The following KAZN variants were observed in gnomAD, a reference collection of about 807,000 sequenced individuals.
The protein encoded by KAZN is kazrin.
A neutral mutation model predicts 87.4 loss-of-function variants in KAZN; 40 were observed. The ratio of observed to expected loss-of-function variants is 0.46; its 90% CI spans 0.36 to 0.60. KAZN has a LOEUF of 0.60. KAZN is among the 20% of genes least tolerant of loss of function. The probability of loss-of-function intolerance (pLI) is 0.00; values close to 1 mark genes in which losing one functional copy is unlikely to be tolerated. For synonymous variants in KAZN, 466 were observed against 458.3 expected (o/e 1.02, Z -0.22); for missense variants, 898 against 1,073.9 (o/e 0.84, Z 2.29).
At chr1:14,594,754 G>A (rs149825197), upstream of KAZN, among the ~76,000 whole-genome samples, 30 of 152,304 alleles carry the variant, frequency 2.0e-4, no homozygotes, top group Admixed American at 3.9e-4. Flanking sequence ...CAGTTTGCAG[G>A]TGTGTCCCAG....
At chr1:14,154,165 C>T (rs559393744) in intron 1 of KAZN, among the ~76,000 whole-genome samples, 10 of 152,232 alleles carry the variant, frequency 6.6e-5, no homozygotes, top group East Asian at 3.9e-4. Context: ...TTTTGATCCT[C>T]TTCAATTTCT....
intron 1 of KAZN, among the ~76,000 whole-genome samples, chr1:13,965,505 A>G (rs1274395017): frequency 3.3e-5 from 5 of 152,128 alleles, no homozygotes; most frequent in African/African-American, 4.8e-5. Context: ...AGAAGGAATC[A>G]CTTCCTGATA....
intron 2 of KAZN, among the ~76,000 whole-genome samples, chr1:14,487,171 G>T (rs991854861): frequency 2.0e-5 from 3 of 152,202 alleles, no homozygotes; most frequent in Non-Finnish European, 2.9e-5. Flanking sequence ...ACACCAGCAT[G>T]AGTGCTCAGG....
At chr1:14,950,511 C>G (rs2101701847) in intron 1 of KAZN, among the ~76,000 whole-genome samples, 1 of 152,306 alleles carries the variant, frequency 6.6e-6, no homozygotes, top group East Asian at 1.9e-4. Flanking sequence ...GGATGGCCAA[C>G]AGAAACATGG....
intron 1 of KAZN, among the ~76,000 whole-genome samples, chr1:14,144,970 C>T (rs1645315184): frequency 6.6e-6 from 1 of 152,204 alleles, no homozygotes; most frequent in African/African-American, 2.4e-5. Context: ...GATCAAATTT[C>T]CACATGAGGA....
chr1:14,853,052 C>A (rs1649646904), intron 1 of KAZN, among the ~76,000 whole-genome samples: 1 of 152,210 alleles, frequency 6.6e-6, no homozygotes, highest in East Asian at 1.9e-4. Context: ...ATGGGTGGAG[C>A]TGGGATGTGA....
intron 2 of KAZN, among the ~76,000 whole-genome samples, chr1:14,406,245 T>A (rs1209483843): frequency 6.6e-6 from 1 of 152,106 alleles, no homozygotes; most frequent in South Asian, 2.1e-4. Flanking sequence ...ACTCACAAAT[T>A]TGTTTTTAAT....
chr1:14,797,175 C>T (rs552783300), intron 1 of KAZN, among the ~76,000 whole-genome samples: 1 of 152,284 alleles, frequency 6.6e-6, no homozygotes, highest in East Asian at 1.9e-4. Flanking sequence ...ATTCTCCTGC[C>T]TCAGCCTCCC....
At chr1:14,277,621 C>A (rs182650404) in intron 2 of KAZN, among the ~76,000 whole-genome samples, 14 of 151,090 alleles carry the variant, frequency 9.3e-5, no homozygotes, top group African/African-American at 3.4e-4. Flanking sequence ...CAAGATCGTG[C>A]CATTGCACTC....
chr1:14,495,325 A>C (rs765263805), intron 2 of KAZN, among the ~76,000 whole-genome samples: 1 of 152,132 alleles, frequency 6.6e-6, no homozygotes, highest in Non-Finnish European at 1.5e-5. Flanking sequence ...GCTCAATCAG[A>C]CCTTCCTTTC....
intron 10 of KAZN, among the ~76,000 whole-genome samples, chr1:15,097,406 TC>T (rs1351873724): frequency 3.9e-5 from 6 of 152,274 alleles, no homozygotes; most frequent in Admixed American, 3.3e-4. Flanking sequence ...GGTCACCTTA[TC>T]TACAAAATAC....
chr1:14,443,257 A>G (rs1021855552), intron 2 of KAZN, among the ~76,000 whole-genome samples: 4 of 152,232 alleles, frequency 2.6e-5, no homozygotes, highest in African/African-American at 9.6e-5. Flanking sequence ...GTGCTCTGCA[A>G]GAACAGCTCC....
chr1:14,111,992 C>T (rs1644509747), intron 1 of KAZN, among the ~76,000 whole-genome samples: 1 of 152,096 alleles, frequency 6.6e-6, no homozygotes, highest in Admixed American at 6.6e-5. Flanking sequence ...CCCACCTCGG[C>T]CTCCCAAAAT....
chr1:14,796,152 T>C (rs970732703), intron 1 of KAZN, among the ~76,000 whole-genome samples: 4 of 152,186 alleles, frequency 2.6e-5, no homozygotes, highest in African/African-American at 9.7e-5. Context: ...GCCTCCGTTC[T>C]GGTCCTGGTT....
In KAZN at chr1:15,104,099, C is replaced by T. The variant is rs751457511; in HGVS notation, c.1958C>T (p.Ala653Val). ...LVLEPTFNAE[A>V]MATALGIPSG... Reference sequence around the variant, plus strand: ...CTGGAGCCCACATTCAATGCCGAGGCCATGGCCACTGCCCTGGGCATCCCC... The same window carrying T: ...CTGGAGCCCACATTCAATGCCGAGGTCATGGCCACTGCCCTGGGCATCCCC... The change falls in exon 13 of 15, where the codon GCC becomes GTC. Residue 653 changes from alanine (A) to valine (V), a missense_variant. By Grantham distance (64) the Ala-to-Val change is moderately conservative (BLOSUM62 0). Transcript: ENST00000376030. 6.2e-7 allele frequency: 1 copy of T among 1,612,782 alleles called. No individual in the cohort carries two copies.
Position 14,490,326 on chromosome 1 carries a change from G to A in KAZN, c.250-108657G>A, listed in dbSNP as rs139794347. On this transcript the variant is annotated intron_variant, in intron 2 of 16. Transcript: ENST00000636203. The stretch of plus-strand genomic sequence containing the variant: ...GTTTTCTTTGAAGTTTGGCTTTTGA[G>A]TGTGTTTGCTTTTTGAGAGACACAG... Among the ~76,000 whole-genome samples the A allele has an allele frequency of 3.0e-3, 461 of 152,238 alleles. 4 individuals carry two copies. The highest frequency in any genetic ancestry group is 0.011 in the African/African-American group (446 of 41,530).
intron 1 of KAZN, among the ~76,000 whole-genome samples, chr1:14,132,577 C>T (rs74681335): frequency 0.019 from 2,958 of 152,250 alleles, 96 homozygotes; most frequent in African/African-American, 0.067. Flanking sequence ...CTCCGAAGAA[C>T]AAAATCAGGG....
chr1:14,993,631 G>A (rs1053297942), intron 2 of KAZN, among the ~76,000 whole-genome samples: 2 of 152,116 alleles, frequency 1.3e-5, no homozygotes, highest in African/African-American at 2.4e-5. Context: ...CTGCTGCCTC[G>A]ACTCTCGTCT....
intron 1 of KAZN, among the ~76,000 whole-genome samples, chr1:14,065,739 G>A (rs1642982957): frequency 6.6e-6 from 1 of 152,162 alleles, no homozygotes. Flanking sequence ...CTCTCCGTGT[G>A]CATCTTTGTT....
Sources: gnomAD v4.1 joint callset for allele counts (sites outside exome capture counted in the v4.1 genomes callset) on GRCh38, gnomAD v4.1.1 for gene constraint, MANE v1.5 for transcripts, NCBI Gene and HGNC (gene_info 2026-07-23, HGNC 2026-07-21) for gene names.